Variants in PCSK2 observed in about 807,000 individuals in gnomAD.
PCSK2 encodes the protein neuroendocrine convertase 2.
In PCSK2, 14 loss-of-function variants were observed where a neutral mutation model predicts 69.7. The ratio of observed to expected loss-of-function variants is 0.20; its 90% confidence interval spans 0.13 to 0.31. The LOEUF is 0.31. PCSK2 is among the 10% of genes least tolerant of loss of function. The pLI is 1.00. For synonymous variants in PCSK2, 307 were observed against 320.7 expected, an observed-to-expected ratio of 0.96 and a Z score of 0.46; for missense variants, 544 against 842.5, an observed-to-expected ratio of 0.65 and a Z score of 4.39.
chr20:17,347,202 G>T (rs1990674457), intron 2 of PCSK2, among the ~76,000 whole-genome samples: 1 of 152,130 alleles, frequency 6.6e-6, no homozygotes, highest in African/African-American at 2.4e-5. Flanking sequence ...TGTGTAATTT[G>T]CCTGTAATTG....
At chr20:17,359,624 C>T (rs780930552) in intron 3 of PCSK2, among the ~76,000 whole-genome samples, 20 of 152,184 alleles carry the variant, frequency 1.3e-4, no homozygotes, top group Admixed American at 6.5e-4. Context: ...AATCAGTCAT[C>T]CGCCATTCTA....
At chr20:17,445,458 G>A (rs1427130275) in intron 8 of PCSK2, among the ~76,000 whole-genome samples, 1 of 152,254 alleles carries the variant, frequency 6.6e-6, no homozygotes, top group Non-Finnish European at 1.5e-5. Context: ...AGATGAGACA[G>A]CGCATTGATT....
intron 11 of PCSK2, chr20:17,479,341 C>A: frequency 1.3e-6 from 1 of 751,300 alleles, no homozygotes; most frequent in Non-Finnish European, 2.4e-6. Context: ...TCTTCACCAC[C>A]TAAAACCCCG....
At chr20:17,457,246 C>A (rs562559682) in intron 10 of PCSK2, among the ~76,000 whole-genome samples, 7 of 152,348 alleles carry the variant, frequency 4.6e-5, no homozygotes, top group South Asian at 4.1e-4. Context: ...CAGTTCCCAG[C>A]AACTTGTGAG....
chr20:17,248,947 A>G (rs1986870601), intron 1 of PCSK2, among the ~76,000 whole-genome samples: 1 of 152,126 alleles, frequency 6.6e-6, no homozygotes, highest in South Asian at 2.1e-4. Flanking sequence ...GCTCCCATTC[A>G]TCTGGTCAGG....
Position 17,465,563 on chromosome 20 carries a change from G to T in PCSK2, c.1430+10G>T, listed in dbSNP as rs768479999. Reference sequence around the variant, plus strand: ...CCGTGCAGGACCCTGAGTAAGTGGGGGTAGTGGTCCCTCTGCTGCATGTGG... The same window carrying T: ...CCGTGCAGGACCCTGAGTAAGTGGGTGTAGTGGTCCCTCTGCTGCATGTGG... On this transcript the variant is annotated intron_variant, in intron 11 of 11. Coordinates refer to ENST00000262545, the MANE Select transcript of PCSK2 (RefSeq NM_002594.5). 5.2e-6 allele frequency: 8 copies of T among 1,534,042 alleles called. No homozygotes were observed. The South Asian group carries it at 8.5e-5, about 16-fold the overall frequency.
chr20:17,323,505 G>T (rs2123136449), intron 2 of PCSK2, among the ~76,000 whole-genome samples: 1 of 152,286 alleles, frequency 6.6e-6, no homozygotes, highest in African/African-American at 2.4e-5. Flanking sequence ...GGTACTTCCA[G>T]AAACAGGAGA....
chr20:17,325,322 G>T (rs1457080877), intron 2 of PCSK2, among the ~76,000 whole-genome samples: 1 of 152,098 alleles, frequency 6.6e-6, no homozygotes, highest in African/African-American at 2.4e-5. Flanking sequence ...CTCAATTTTG[G>T]TTTTTCACAA....
chr20:17,367,318 GA>G (rs1178670522), intron 4 of PCSK2, among the ~76,000 whole-genome samples: 1 of 152,186 alleles, frequency 6.6e-6, no homozygotes, highest in Non-Finnish European at 1.5e-5. Context: ...ATGATGATAA[GA>G]AATAGAATGT....
intron 2 of PCSK2, among the ~76,000 whole-genome samples, chr20:17,283,102 G>A (rs1421335503): frequency 1.3e-5 from 2 of 151,996 alleles, no homozygotes; most frequent in Non-Finnish European, 2.9e-5. Flanking sequence ...AACTGGGCAG[G>A]GAATCCGATC....
chr20:17,359,274 T>C (rs903426140), intron 3 of PCSK2, among the ~76,000 whole-genome samples: 9 of 152,238 alleles, frequency 5.9e-5, no homozygotes, highest in Admixed American at 5.2e-4. Flanking sequence ...CTCTGACTTA[T>C]GCTTTTTGGC....
chr20:17,233,811 C>A (rs560224417), intron 1 of PCSK2, among the ~76,000 whole-genome samples: 1 of 152,122 alleles, frequency 6.6e-6, no homozygotes, highest in Non-Finnish European at 1.5e-5. Context: ...TGTAAATAAG[C>A]GTGATCATGT....
chr20:17,226,809 G>C (rs1297633000), upstream of PCSK2, among the ~76,000 whole-genome samples: 1 of 142,992 alleles, frequency 7.0e-6, no homozygotes, highest in African/African-American at 2.6e-5. Context: ...GCTGCGCTGC[G>C]CTGCGCTGCG....
rs76639721 is a variant in PCSK2 at position 17,264,567 on chromosome 20, T to C, written c.282+4223T>C. Among the ~76,000 whole-genome samples the C allele has an allele frequency of 7.0e-3, 1,062 of 152,304 alleles. 14 individuals are homozygous for C. Among genetic ancestry groups the C allele is most frequent in the African/African-American group, 0.023 (974 of 41,558 alleles). ...GTGATCTGTTTTTGGTCTTTAAGGG[T>C]CTATTCTTGAATATATCTGTGGAGT... On this transcript the variant is annotated intron_variant, in intron 2 of 11. Transcript: ENST00000262545.
intron 5 of PCSK2, among the ~76,000 whole-genome samples, chr20:17,388,038 A>G (rs1306328016): frequency 7.9e-5 from 12 of 152,206 alleles, no homozygotes; most frequent in Non-Finnish European, 1.2e-4. Flanking sequence ...ATCTGGAAGC[A>G]GAAGGAACAG....
chr20:17,415,778 A>G lies in PCSK2; in HGVS notation c.620+6439A>G, dbSNP rs571893027. ...GGAGGCATCACGCTACCTGACTTCA[A>G]ACCATAATACAAGGCTACAGTAACC... On this transcript the variant is annotated intron_variant, in intron 6 of 11. Coordinates refer to ENST00000262545, the MANE Select transcript of PCSK2 (RefSeq NM_002594.5). Among the ~76,000 whole-genome samples the G allele has an allele frequency of 2.0e-3, 303 of 152,346 alleles. 2 individuals carry two copies. Among genetic ancestry groups the G allele is most frequent in the African/African-American group, 7.0e-3 (290 of 41,584 alleles).
intron 6 of PCSK2, among the ~76,000 whole-genome samples, chr20:17,425,424 A>G (rs1233143680): frequency 6.6e-6 from 1 of 152,168 alleles, no homozygotes; most frequent in East Asian, 1.9e-4. Flanking sequence ...TTTTCTGTTC[A>G]TCAAAGACTG....
chr20:17,398,546 A>AG (rs1491454971), intron 5 of PCSK2, among the ~76,000 whole-genome samples: 2 of 147,934 alleles, frequency 1.4e-5, no homozygotes, highest in Non-Finnish European at 3.0e-5. Flanking sequence ...AAAAAAAAAA[A>AG]TGCAGATTCA....
At chr20:17,315,075 C>A (rs972505003) in intron 2 of PCSK2, among the ~76,000 whole-genome samples, 1 of 152,158 alleles carries the variant, frequency 6.6e-6, no homozygotes, top group Non-Finnish European at 1.5e-5. Flanking sequence ...GAAGTCTCCC[C>A]GAGAAAACCC....
Sources: gnomAD v4.1 joint callset for allele counts (sites outside exome capture counted in the v4.1 genomes callset) on GRCh38, gnomAD v4.1.1 for gene constraint, MANE v1.5 for transcripts, NCBI Gene and HGNC (gene_info 2026-07-23, HGNC 2026-07-21) for gene names.